Variants in SLC23A2 observed in about 807,000 individuals in gnomAD.
SLC23A2 encodes Na(+)/L-ascorbic acid transporter 2.
Under a neutral mutation model 73.3 loss-of-function variants are expected in SLC23A2, and 36 were observed. The observed-to-expected ratio is 0.49, with a 90% CI of 0.38 to 0.65. The LOEUF (loss-of-function observed/expected upper bound fraction) is 0.65. Among genes scored for constraint, SLC23A2 ranks in the 30% least tolerant of loss-of-function variants. SLC23A2 has a pLI of 0.00. For synonymous variants in SLC23A2, 343 were observed against 327.3 expected (o/e 1.05, Z -0.52); for missense variants, 507 against 841.6 (o/e 0.60, Z 4.92).
chr20:4,902,494 T>C lies in SLC23A2; in HGVS notation c.272A>G (p.Tyr91Cys). The part of the protein sequence containing the change: ...SLDPQRSDMI[Y>C]TIEDVPPWYL... ...CCAGGGAGGAACATCTTCTATGGTATAAATCATGTCTGATCGCTGGGGGTC... is the reference window on the plus strand; with the variant it reads ...CCAGGGAGGAACATCTTCTATGGTACAAATCATGTCTGATCGCTGGGGGTC... Residue 91 changes from tyrosine (Y) to cysteine (C), a missense_variant, in exon 5 of 17, where the codon TAT (tyrosine) becomes TGT (cysteine). Transcript: ENST00000338244. The surrounding 1 kb of genome is among the most constrained non-coding windows in gnomAD (Gnocchi z 4.0). 6.2e-7 allele frequency: 1 copy of C among 1,613,360 alleles called. No individual in the cohort carries two copies. The highest frequency in any genetic ancestry group is 8.5e-7 in the Non-Finnish European group (1 of 1,179,524).
intron 3 of SLC23A2, among the ~76,000 whole-genome samples, chr20:4,916,350 ACT>A (rs1568623050): frequency 6.6e-6 from 1 of 152,008 alleles, no homozygotes; most frequent in East Asian, 1.9e-4. Flanking sequence ...TGAAAGTCTG[ACT>A]CTAGCCAAAC....
At position 4,986,689 on chromosome 20, in the gene SLC23A2, C is replaced by CACAGAG. The variant is rs71197739; in HGVS notation, c.-282+14716_-282+14717insCTCTGT. Among the ~76,000 whole-genome samples the CACAGAG allele has an allele frequency of 5.1e-3, 657 of 129,852 alleles. 8 individuals are homozygous for CACAGAG. The highest frequency in any genetic ancestry group is 0.05 in the East Asian group (208 of 4,180). 85.2% of individuals were successfully genotyped at this position (129,852 alleles called of 152,430 possible). ...ACACACACACACACACACACACACA[C>CACAGAG]AGAGATGAATATAAATAGAGAGAAG... On this transcript the variant is annotated intron_variant, in intron 1 of 16. Coordinates refer to ENST00000338244, the MANE Select transcript of SLC23A2 (RefSeq NM_005116.6).
chr20:4,982,742 A>G (rs1385358147), intron 1 of SLC23A2, among the ~76,000 whole-genome samples: 1 of 152,212 alleles, frequency 6.6e-6, no homozygotes, highest in Admixed American at 6.5e-5. Context: ...GATTTTCAAA[A>G]AAGGGCATCA....
intron 1 of SLC23A2, among the ~76,000 whole-genome samples, chr20:5,008,227 C>T (rs2088211823): frequency 6.6e-6 from 1 of 152,146 alleles, no homozygotes; most frequent in East Asian, 1.9e-4. Flanking sequence ...ACCTTTTTAA[C>T]CACTTTTAAG....
chr20:4,924,755 G>A (rs1367373557), intron 3 of SLC23A2, among the ~76,000 whole-genome samples: 5 of 152,210 alleles, frequency 3.3e-5, no homozygotes, highest in Non-Finnish European at 5.9e-5. Context: ...CCGCCTTCTT[G>A]GTGCAGCCTT....
chr20:4,980,194 T>C (rs1189114034), intron 1 of SLC23A2, among the ~76,000 whole-genome samples: 2 of 152,204 alleles, frequency 1.3e-5, no homozygotes, highest in African/African-American at 2.4e-5. Context: ...ATGTTAGGTA[T>C]GTGTTAAAGT....
rs957829930 is a variant in SLC23A2 at position 4,863,159 on chromosome 20, G to A, written c.1357-252C>T. Among the ~76,000 whole-genome samples, 2 of 152,080 alleles carry A rather than the reference G, an allele frequency of 1.3e-5. No individual in the cohort carries two copies. Among genetic ancestry groups the A allele is most frequent in the African/African-American group, 2.4e-5 (1 of 41,374 alleles). On this transcript the variant is annotated intron_variant, in intron 13 of 16. Transcript: ENST00000338244. The surrounding 1 kb of genome is among the most constrained non-coding windows in gnomAD (Gnocchi z 4.8). ...GGCACAGTCATGGGTTGGGATGGCC[G>A]TCTGTGTCTCAAATGCAAAGGCCAC...
intron 2 of SLC23A2, among the ~76,000 whole-genome samples, chr20:4,958,697 G>T (rs2087331294): frequency 6.6e-6 from 1 of 151,728 alleles, no homozygotes; most frequent in African/African-American, 2.4e-5. Context: ...CAAATTGCTG[G>T]GATTATAGGT....
At chr20:4,871,563 G>A (rs1323926936) in intron 11 of SLC23A2, among the ~76,000 whole-genome samples, 1 of 152,164 alleles carries the variant, frequency 6.6e-6, no homozygotes, top group Non-Finnish European at 1.5e-5. Flanking sequence ...AGCAACCACT[G>A]GATTGGGAAG....
In SLC23A2 at chr20:4,867,881, A is replaced by G. The variant is rs760203721; in HGVS notation, c.1251-6T>C. Reference sequence around the variant, plus strand: ...GGCCTTCCACGAAAATTCCCCTAAGATGTAAAGGAATGGAGGAAAGAAAAT... The same window carrying G: ...GGCCTTCCACGAAAATTCCCCTAAGGTGTAAAGGAATGGAGGAAAGAAAAT... On this transcript the variant is annotated splice_polypyrimidine_tract_variant and splice_region_variant and intron_variant, in intron 12 of 16. Transcript: ENST00000338244. 17 of 1,476,002 alleles carry G rather than the reference A, an allele frequency of 1.2e-5. No homozygotes were observed. The African/African-American group carries it at 2.2e-4, about 19-fold the overall frequency. 91.4% of individuals were successfully genotyped at this position (1,476,002 alleles called of 1,614,324 possible).
At chr20:4,960,648 A>C (rs1045215778) in intron 2 of SLC23A2, among the ~76,000 whole-genome samples, 5 of 152,244 alleles carry the variant, frequency 3.3e-5, no homozygotes, top group Admixed American at 2.0e-4. Flanking sequence ...TAAATCACGC[A>C]ATCATTATTA....
chr20:4,954,524 C>G (rs1422916730), intron 2 of SLC23A2, among the ~76,000 whole-genome samples: 1 of 151,810 alleles, frequency 6.6e-6, no homozygotes, highest in Admixed American at 6.6e-5. Context: ...TGGTGAAATC[C>G]CGTCTCTACT....
chr20:4,864,453 G>C (rs1930113785), intron 13 of SLC23A2, among the ~76,000 whole-genome samples: 1 of 151,736 alleles, frequency 6.6e-6, no homozygotes, highest in African/African-American at 2.4e-5. Context: ...TCCCTAGCCT[G>C]CCCCACACCA....
Position 4,979,174 on chromosome 20 carries a change from TCC to T in SLC23A2, c.-281-8257_-281-8256del, listed in dbSNP as rs1233642365. Reference sequence around the variant, plus strand: ...CAAGCGTGGTGGCGTGTGCCTGTAATCCCGGCTACTCAGAAGGCTGAGGCAGG... The same window carrying T: ...CAAGCGTGGTGGCGTGTGCCTGTAATCGGCTACTCAGAAGGCTGAGGCAGG... On this transcript the variant is annotated intron_variant, in intron 1 of 16. Coordinates refer to ENST00000338244, the MANE Select transcript of SLC23A2 (RefSeq NM_005116.6). Among the ~76,000 whole-genome samples, 11 of 151,832 alleles carry T rather than the reference TCC, an allele frequency of 7.2e-5. No individual in the cohort carries two copies. In the East Asian group the frequency reaches 1.7e-3, roughly 24 times the overall value.
At chr20:4,864,187 C>T (rs1358349910) in intron 13 of SLC23A2, among the ~76,000 whole-genome samples, 2 of 152,124 alleles carry the variant, frequency 1.3e-5, no homozygotes, top group African/African-American at 2.4e-5. Flanking sequence ...TATGTATGAC[C>T]CCAGTGAGGA....
chr20:4,983,694 C>T (rs1280269334), intron 1 of SLC23A2, among the ~76,000 whole-genome samples: 1 of 147,894 alleles, frequency 6.8e-6, no homozygotes, highest in Non-Finnish European at 1.5e-5. Flanking sequence ...GTTCGGCTCA[C>T]ACCTGTAATC....
chr20:4,894,250 A>AAGAGGG (rs1462807529), intron 6 of SLC23A2, among the ~76,000 whole-genome samples: 1 of 152,002 alleles, frequency 6.6e-6, no homozygotes, highest in Non-Finnish European at 1.5e-5. Flanking sequence ...GGTAGGGAGG[A>AAGAGGG]AGAGGGAGAG....
In SLC23A2 at chr20:4,998,638, C is replaced by G. The variant is rs1284383499; in HGVS notation, c.-282+2768G>C. ...GAGGTTACTGGGCACTGGGAACCAA[C>G]AGACTGGTGTGTGAGAGTTTTATGG... On this transcript the variant is annotated intron_variant, in intron 1 of 16. Transcript: ENST00000338244. This position sits in a 1 kb window ranked among gnomAD's most constrained non-coding sequence, Gnocchi z 4.1. 6.6e-6 allele frequency among the ~76,000 whole-genome samples: 1 copy of G among 152,048 alleles called. No homozygotes were observed. Among genetic ancestry groups the G allele is most frequent in the African/African-American group, 2.4e-5 (1 of 41,398 alleles).
At chr20:4,877,210 C>A (rs1217131213) in intron 9 of SLC23A2, among the ~76,000 whole-genome samples, 1 of 152,070 alleles carries the variant, frequency 6.6e-6, no homozygotes, top group Non-Finnish European at 1.5e-5. Context: ...TACTGTATGA[C>A]ATCAGAAGCA....
Sources: allele counts gnomAD v4.1 joint callset (sites outside exome capture counted in the v4.1 genomes callset), GRCh38; gene constraint gnomAD v4.1.1; non-coding constraint Gnocchi (gnomAD v3.1); transcripts MANE v1.5; gene names NCBI Gene and HGNC (gene_info 2026-07-23, HGNC 2026-07-21).